FLG2: variants seen among roughly 807,000 people sequenced by gnomAD.
FLG2 encodes filaggrin-2.
Under a neutral mutation model 3.9 loss-of-function variants are expected in FLG2, and 7 were observed. The ratio of observed to expected loss-of-function variants is 1.79; its 90% CI spans 1.02 to 3.36. FLG2 has a LOEUF of 3.36. Among genes scored for constraint, FLG2 ranks in the 30% most tolerant of loss-of-function variants. The pLI is 0.00. For synonymous variants in FLG2, 1,031 were observed against 1,056.1 expected (o/e 0.98, Z 0.46); for missense variants, 2,700 against 2,809.4 (o/e 0.96, Z 0.88).
In FLG2 at chr1:152,358,168, C is replaced by T. The variant is rs553172485; in HGVS notation, c.139-521G>A. ...TCCCGAGTAGCTGGGACTACAGGGG[C>T]ATGCAACCACGCCCGGCTAATTTTT... On this transcript the variant is annotated intron_variant, in intron 2 of 2. Coordinates refer to ENST00000388718, the MANE Select transcript of FLG2 (RefSeq NM_001014342.3). Among the ~76,000 whole-genome samples, 384 of 152,024 alleles carry T rather than the reference C, an allele frequency of 2.5e-3. 1 individual carries two copies. Among genetic ancestry groups the T allele is most frequent in the African/African-American group, 8.2e-3 (339 of 41,458 alleles).
In FLG2 at chr1:152,352,406, T is replaced by G; in HGVS notation, c.5380A>C (p.Arg1794=). ...GHGQSTQTGS[R]TTGRRSSGHS... Reference sequence around the variant, plus strand: ...CCAGATGACCTTCTTCCAGTGGTCCTGGACCCTGTCTGTGTGGACTGTCCA... The same window carrying G: ...CCAGATGACCTTCTTCCAGTGGTCCGGGACCCTGTCTGTGTGGACTGTCCA... Residue 1794 remains arginine, a synonymous_variant, in exon 3 of 3, where the codon AGG becomes CGG. Transcript: ENST00000388718. 6.2e-7 allele frequency: 1 copy of G among 1,614,060 alleles called. No homozygotes were observed. Among genetic ancestry groups the G allele is most frequent in the Non-Finnish European group, 8.5e-7 (1 of 1,179,988 alleles).
rs2101673774 is a variant in FLG2, at chr1:152,350,408, C to T, written c.*202G>A. ...CTGGCTGTGTTATATCCAGGTTGAA[C>T]ATAGGTGTTGTTTGACTGTTTATGA... On this transcript the variant is annotated 3_prime_UTR_variant, in exon 3 of 3. Transcript: ENST00000388718. 1 of 659,012 alleles carries T rather than the reference C, an allele frequency of 1.5e-6. No individual in the cohort carries two copies. Among genetic ancestry groups the T allele is most frequent in the Non-Finnish European group, 2.5e-6 (1 of 397,436 alleles). The allele number at this position is 659,012 out of a possible 1,614,324, so 40.8% of individuals were successfully genotyped here. A position where few individuals can be genotyped will look rare whatever the true frequency, so the allele number is the denominator to read the frequency against.
Position 152,351,077 on chromosome 1 carries a change from A to C in FLG2, c.6709T>G (p.Tyr2237Asp). 14 of 1,605,748 alleles carry C rather than the reference A, an allele frequency of 8.7e-6. No homozygotes were observed. The highest frequency in any genetic ancestry group is 1.2e-5 in the Non-Finnish European group (14 of 1,176,830). The change falls in exon 3 of 3, where the codon TAT (tyrosine) becomes GAT (aspartate). Residue 2237 changes from tyrosine (Y) to aspartate (D), a missense_variant. By Grantham distance (160) the Tyr-to-Asp change is radical (BLOSUM62 -3). Transcript: ENST00000388718. ...GDTTRHAHYG[Y>D]GQSTQRGSRT... Reference sequence around the variant, plus strand: ...GACCCTCTCTGTGTGGATTGTCCATAACCATAGTGGGCATGTCTAGTGGTA... The same window carrying C: ...GACCCTCTCTGTGTGGATTGTCCATCACCATAGTGGGCATGTCTAGTGGTA...
chr1:152,352,994 T>A lies in FLG2; in HGVS notation c.4792A>T (p.Thr1598Ser). Reference sequence around the variant, plus strand: ...TGTTGAGATCCGGCTTGGCCGTAAGTGTGTTCTCGTGAGTGTGGTCTGTGT... The same window carrying A: ...TGTTGAGATCCGGCTTGGCCGTAAGAGTGTTCTCGTGAGTGTGGTCTGTGT... Reference protein sequence around the residue: ...GSHRPHSREHTYGQAGSQHEE... With the variant: ...GSHRPHSREHSYGQAGSQHEE... Residue 1598 changes from threonine to serine, a missense_variant, in exon 3 of 3, where the codon ACT becomes TCT. Coordinates refer to ENST00000388718, the MANE Select transcript of FLG2 (RefSeq NM_001014342.3). 6.2e-7 allele frequency: 1 copy of A among 1,612,204 alleles called. No homozygotes were observed. Among genetic ancestry groups the A allele is most frequent in the Non-Finnish European group, 8.5e-7 (1 of 1,179,596 alleles).
At position 152,348,958 on chromosome 1, in the gene FLG2, C is replaced by T. The variant is rs1346795422; in HGVS notation, c.*1652G>A. 6.6e-6 allele frequency: 1 copy of T among 152,126 alleles called. No homozygotes were observed. The highest frequency in any genetic ancestry group is 1.5e-5 in the Non-Finnish European group (1 of 68,016). 9.4% of individuals were successfully genotyped at this position (152,126 alleles called of 1,614,324 possible). A position where few individuals can be genotyped will look rare whatever the true frequency, so the allele number is the denominator to read the frequency against. On this transcript the variant is annotated 3_prime_UTR_variant, in exon 3 of 3. Coordinates refer to ENST00000388718, the MANE Select transcript of FLG2 (RefSeq NM_001014342.3). ...TTCTAGAGACGTTTTGGCTCCTAAA[C>T]CACGTCATTTAGCTCCTTGGATAGG... is the stretch of plus-strand genomic sequence containing the variant.
rs747126863 is a variant in FLG2, at chr1:152,353,463, T to C, written c.4323A>G (p.Gln1441=). 7.5e-6 allele frequency: 12 copies of C among 1,603,738 alleles called. No homozygotes were observed. Among genetic ancestry groups the C allele is most frequent in the Admixed American group, 5.1e-5 (3 of 59,194 alleles). ...EVHSGGSHRP[Q]SQEQTHGQAG... The stretch of plus-strand genomic sequence containing the variant: ...CTTGGCCATGAGTTTGTTCTTGTGA[T>C]TGTGGTCTGTGTGAGCCCCCTGAGT... The change falls in exon 3 of 3, where the codon CAA becomes CAG. Residue 1441 remains glutamine, a synonymous_variant. Transcript: ENST00000388718.
Position 152,350,939 on chromosome 1 carries a change from G to T in FLG2, c.6847C>A (p.Gln2283Lys), listed in dbSNP as rs1653885057. The part of the protein sequence containing the change: ...GHIQGQAGSQ[Q>K]RQPGSTVHGR... Reference sequence around the variant, plus strand: ...TGAACTGTGGATCCTGGCTGTCTTTGTTGAGATCCAGCTTGGCCCTGAATG... The same window carrying T: ...TGAACTGTGGATCCTGGCTGTCTTTTTTGAGATCCAGCTTGGCCCTGAATG... Residue 2283 changes from glutamine (Q) to lysine (K), a missense_variant, in exon 3 of 3, where the codon CAA becomes AAA. By Grantham distance (53) the Gln-to-Lys change is moderately conservative. Transcript: ENST00000388718. 1.2e-6 allele frequency: 2 copies of T among 1,613,870 alleles called. No homozygotes were observed. Among genetic ancestry groups the T allele is most frequent in the Non-Finnish European group, 1.7e-6 (2 of 1,179,952 alleles).
In FLG2 at chr1:152,351,949, C is replaced by T. The variant is rs773268594; in HGVS notation, c.5837G>A (p.Arg1946Lys). Reference protein sequence around the residue: ...SHGQTIQTGSRTTGRRGSGHS... With the variant: ...SHGQTIQTGSKTTGRRGSGHS... ...GCCAGATCCCCTTCTTCCAGTTGTC[C>T]TGGACCCTGTCTGTATGGTTTGTCC... The change falls in exon 3 of 3, where the codon AGG (arginine) becomes AAG (lysine). Residue 1946 changes from arginine (R) to lysine (K), a missense_variant. Physicochemically the swap from Arg to Lys is conservative, Grantham distance 26. Coordinates refer to ENST00000388718, the MANE Select transcript of FLG2 (RefSeq NM_001014342.3). The T allele has an allele frequency of 1.2e-6, 2 of 1,613,814 alleles. No homozygotes were observed. The highest frequency in any genetic ancestry group is 1.1e-5 in the South Asian group (1 of 91,058).
chr1:152,350,688 G>C lies in FLG2; in HGVS notation c.7098C>G (p.Gly2366=). The C allele has an allele frequency of 6.2e-7, 1 of 1,614,182 alleles. No homozygotes were observed. The highest frequency in any genetic ancestry group is 1.1e-5 in the South Asian group (1 of 91,082). The change falls in exon 3 of 3, where the codon GGC becomes GGG. Residue 2366 remains glycine (G), a synonymous_variant. Coordinates refer to ENST00000388718, the MANE Select transcript of FLG2 (RefSeq NM_001014342.3). ...GAGAATTACTGATGCTTTTTCTGCT[G>C]CCACCAGAAGGCCCATACCCAGTGT... ...YGHTGYGPSG[G]SRKSISNSHL...
chr1:152,352,434 A>T lies in FLG2; in HGVS notation c.5352T>A (p.Gly1784=). The change falls in exon 3 of 3, where the codon GGT becomes GGA. Residue 1784 remains glycine (G), a synonymous_variant. Transcript: ENST00000388718. Reference sequence around the variant, plus strand: ...ACCCTGTCTGTGTGGACTGTCCATGACCAGAGTGGGCATGTCTGGTGGTAT... The same window carrying T: ...ACCCTGTCTGTGTGGACTGTCCATGTCCAGAGTGGGCATGTCTGGTGGTAT... ...TGDTTRHAHS[G]HGQSTQTGSR... is the part of the protein sequence containing the mutation. 6.2e-7 allele frequency: 1 copy of T among 1,612,720 alleles called. No individual in the cohort carries two copies. The highest frequency in any genetic ancestry group is 8.5e-7 in the Non-Finnish European group (1 of 1,179,728).
In FLG2 at chr1:152,358,178, C is replaced by T. The variant is rs536157046; in HGVS notation, c.139-531G>A. On this transcript the variant is annotated intron_variant, in intron 2 of 2. Transcript: ENST00000388718. ...CTGGGACTACAGGGGCATGCAACCACGCCCGGCTAATTTTTTGTATTTTTA... is the reference window on the plus strand; with the variant it reads ...CTGGGACTACAGGGGCATGCAACCATGCCCGGCTAATTTTTTGTATTTTTA... Among the ~76,000 whole-genome samples the T allele has an allele frequency of 2.2e-3, 339 of 152,074 alleles. 1 individual carries two copies. Among genetic ancestry groups the T allele is most frequent in the Non-Finnish European group, 3.2e-3 (217 of 67,966 alleles).
In FLG2 at chr1:152,355,004, C is replaced by T; in HGVS notation, c.2782G>A (p.Gly928Ser). The stretch of plus-strand genomic sequence containing the variant: ...CCATAGCCAGATGACTGACTTGAGC[C>T]AGAACCATGTTGGCCATAGCTAGAC... Reference protein sequence around the residue: ...HQSSYGQHGSGSSQSSGYGQH... With the variant: ...HQSSYGQHGSSSSQSSGYGQH... The change falls in exon 3 of 3, where the codon GGC becomes AGC. Residue 928 changes from glycine (G) to serine (S), a missense_variant. By Grantham distance (56) the Gly-to-Ser change is moderately conservative. Transcript: ENST00000388718. 1 of 1,588,984 alleles carries T rather than the reference C, an allele frequency of 6.3e-7. No homozygotes were observed. Among genetic ancestry groups the T allele is most frequent in the Non-Finnish European group, 8.5e-7 (1 of 1,170,214 alleles).
chr1:152,359,367 G>A (rs892390267), intron 1 of FLG2, among the ~76,000 whole-genome samples: 11 of 152,176 alleles, frequency 7.2e-5, no homozygotes, highest in African/African-American at 2.4e-4. Flanking sequence ...GGCACCAGAA[G>A]CTAAACTGGA....
At position 152,352,314 on chromosome 1, in the gene FLG2, G is replaced by A. The variant is rs1413945424; in HGVS notation, c.5472C>T (p.His1824=). The change falls in exon 3 of 3, where the codon CAC becomes CAT. Residue 1824 remains histidine, a synonymous_variant. Coordinates refer to ENST00000388718, the MANE Select transcript of FLG2 (RefSeq NM_001014342.3). Reference sequence around the variant, plus strand: ...GTTGAGATCCAGCCTGGCCGTGAGTGTGTCCTCGTGAGTGTGGTCTTTGTG... The same window carrying A: ...GTTGAGATCCAGCCTGGCCGTGAGTATGTCCTCGTGAGTGTGGTCTTTGTG... ...GFSQRPHSRG[H]THGQAGSQHG... The A allele has an allele frequency of 2.5e-6, 4 of 1,613,374 alleles. No homozygotes were observed. Among genetic ancestry groups the A allele is most frequent in the Non-Finnish European group, 3.4e-6 (4 of 1,179,866 alleles).
At chr1:152,359,024 G>A (rs941200656) in intron 1 of FLG2, 118 bp from the exon 2 acceptor site, 15 of 892,000 alleles carry the variant, frequency 1.7e-5, no homozygotes, top group African/African-American at 8.6e-5. Flanking sequence ...ATCTCAAAAC[G>A]TAAGAATGGG....
Position 152,357,218 on chromosome 1 carries a change from A to G in FLG2, c.568T>C (p.Trp190Arg), listed in dbSNP as rs1000153531. 1 of 1,614,120 alleles carries G rather than the reference A, an allele frequency of 6.2e-7. No individual in the cohort carries two copies. Among genetic ancestry groups the G allele is most frequent in the East Asian group, 2.2e-5 (1 of 44,862 alleles). ...RYHRSSCGHS[W>R]SGGKDRHGSS... ...CCATGTCTGTCTTTGCCACCACTCCATGAATGACCACAGCTGGACCTGTGG... is the reference window on the plus strand; with the variant it reads ...CCATGTCTGTCTTTGCCACCACTCCGTGAATGACCACAGCTGGACCTGTGG... Residue 190 changes from tryptophan (W) to arginine (R), a missense_variant, in exon 3 of 3, where the codon TGG (tryptophan) becomes CGG (arginine). Physicochemically the swap from Trp to Arg is moderately radical, Grantham distance 101. Coordinates refer to ENST00000388718, the MANE Select transcript of FLG2 (RefSeq NM_001014342.3).
At position 152,356,345 on chromosome 1, in the gene FLG2, G is replaced by A; in HGVS notation, c.1441C>T (p.Gln481Ter). ...SSSGKTSGFG[Q>*]HGSGSGQSSG... ...GACTGACCTGAGCCAGACCCATGTT[G>A]TCCAAAGCCAGATGTCTTACCTGAG... The change falls in exon 3 of 3, where the codon CAA (glutamine) becomes TAA (stop). Residue 481 changes from glutamine to a stop codon, truncating the protein, a stop_gained. Transcript: ENST00000388718. LOFTEE classifies it low-confidence loss of function (END_TRUNC). 6.2e-7 allele frequency: 1 copy of A among 1,614,238 alleles called. No homozygotes were observed. The highest frequency in any genetic ancestry group is 8.5e-7 in the Non-Finnish European group (1 of 1,180,052).
At position 152,354,983 on chromosome 1, in the gene FLG2, A is replaced by G. The variant is rs778424514; in HGVS notation, c.2803T>C (p.Tyr935His). The G allele has an allele frequency of 6.3e-6, 10 of 1,590,630 alleles. No homozygotes were observed. Among genetic ancestry groups the G allele is most frequent in the African/African-American group, 2.7e-5 (2 of 74,692 alleles). ...CCTGAACTTGACCCATGTTGACCATAGCCAGATGACTGACTTGAGCCAGAA... is the reference window on the plus strand; with the variant it reads ...CCTGAACTTGACCCATGTTGACCATGGCCAGATGACTGACTTGAGCCAGAA... ...HGSGSSQSSG[Y>H]GQHGSSSGQT... Residue 935 changes from tyrosine (Y) to histidine (H), a missense_variant, in exon 3 of 3, where the codon TAT (tyrosine) becomes CAT (histidine). Physicochemically the swap from Tyr to His is moderately conservative, Grantham distance 83. Coordinates refer to ENST00000388718, the MANE Select transcript of FLG2 (RefSeq NM_001014342.3).
rs967724184 is a variant in FLG2, at chr1:152,350,374, C to T, written c.*236G>A. On this transcript the variant is annotated 3_prime_UTR_variant, in exon 3 of 3. Coordinates refer to ENST00000388718, the MANE Select transcript of FLG2 (RefSeq NM_001014342.3). The stretch of plus-strand genomic sequence containing the variant: ...GTCATTTGACTGGCTATGTGTACAT[C>T]CCTCCCTTCTGGCTGTGTTATATCC... The T allele has an allele frequency of 7.0e-6, 4 of 567,880 alleles. No individual in the cohort carries two copies. Among genetic ancestry groups the T allele is most frequent in the Non-Finnish European group, 1.2e-5 (4 of 326,188 alleles). The allele number at this position is 567,880 out of a possible 1,614,324, so 35.2% of individuals were successfully genotyped here.
Sources: gnomAD v4.1 joint callset for allele counts (sites outside exome capture counted in the v4.1 genomes callset) on GRCh38, gnomAD v4.1.1 for gene constraint, MANE v1.5 for transcripts, NCBI Gene and HGNC (gene_info 2026-07-23, HGNC 2026-07-21) for gene names.